The following TAFA2 variants were observed in gnomAD, a reference collection of about 807,000 sequenced individuals.
The protein encoded by TAFA2 is chemokine-like protein TAFA-2.
Under a neutral mutation model 18.8 loss-of-function variants are expected in TAFA2, and 7 were observed. That is an observed-to-expected ratio of 0.37 (90% CI 0.21 to 0.70). The LOEUF (loss-of-function observed/expected upper bound fraction) is 0.70, where lower values mean the gene tolerates loss of function less well. Among genes scored for constraint, TAFA2 ranks in the 30% least tolerant of loss-of-function variants. TAFA2 has a pLI of 0.53. For synonymous variants in TAFA2, 60 were observed against 54.2 expected, an observed-to-expected ratio of 1.11 and a Z score of -0.47; for missense variants, 122 against 158.1, an observed-to-expected ratio of 0.77 and a Z score of 1.23.
intron 2 of TAFA2, among the ~76,000 whole-genome samples, chr12:61,847,538 G>A (rs759139013): frequency 1.3e-5 from 2 of 152,286 alleles, no homozygotes; most frequent in East Asian, 1.9e-4. Context: ...TGAAAAATGC[G>A]TGAGAGAATT....
At chr12:62,072,886 A>G (rs1045086973) in intron 1 of TAFA2, among the ~76,000 whole-genome samples, 2 of 152,248 alleles carry the variant, frequency 1.3e-5, no homozygotes, top group African/African-American at 4.8e-5. Flanking sequence ...GATCAACTGA[A>G]AAAGTTTACT....
At chr12:61,962,489 T>C (rs1281804712) in intron 1 of TAFA2, among the ~76,000 whole-genome samples, 4 of 152,046 alleles carry the variant, frequency 2.6e-5, no homozygotes. Context: ...TTGTCATTAA[T>C]ACCTGCAGTC....
chr12:61,726,862 G>A (rs960723219), intron 4 of TAFA2, among the ~76,000 whole-genome samples: 1 of 152,038 alleles, frequency 6.6e-6, no homozygotes, highest in Non-Finnish European at 1.5e-5. Context: ...TTGGCTGTGG[G>A]TTTGTCATGA....
In TAFA2 at chr12:61,708,410, G is replaced by C. The variant is rs1869242456; in HGVS notation, c.*1996C>G. ...ATGTATTACACTTGTATATAATACAGAGTTTCCAGTGTTGATTTAAAGAAC... is the reference window on the plus strand; with the variant it reads ...ATGTATTACACTTGTATATAATACACAGTTTCCAGTGTTGATTTAAAGAAC... On this transcript the variant is annotated 3_prime_UTR_variant, in exon 5 of 5. Coordinates refer to ENST00000416284, the MANE Select transcript of TAFA2 (RefSeq NM_178539.5). 4.0e-5 allele frequency: 6 copies of C among 151,826 alleles called. No individual in the cohort carries two copies. The South Asian group carries it at 1.2e-3, about 32-fold the overall frequency. 9.4% of individuals were successfully genotyped at this position (151,826 alleles called of 1,614,324 possible).
intron 1 of TAFA2, among the ~76,000 whole-genome samples, chr12:62,184,121 G>A (rs1021654247): frequency 1.3e-4 from 20 of 152,108 alleles, no homozygotes; most frequent in Admixed American, 1.2e-3. Flanking sequence ...TTACAAAGCT[G>A]AAGAACCCAA....
chr12:62,119,423 T>A (rs1870100470), intron 1 of TAFA2, among the ~76,000 whole-genome samples: 1 of 152,124 alleles, frequency 6.6e-6, no homozygotes, highest in African/African-American at 2.4e-5. Flanking sequence ...TATTTAAAAA[T>A]CTGTTTTGAC....
At chr12:62,019,497 A>G (rs1204481363) in intron 1 of TAFA2, among the ~76,000 whole-genome samples, 2 of 151,628 alleles carry the variant, frequency 1.3e-5, no homozygotes, top group Admixed American at 6.6e-5. Flanking sequence ...GCCATAAAAA[A>G]TGATGAGTTT....
chr12:61,860,955 C>G (rs1173467260), intron 2 of TAFA2, among the ~76,000 whole-genome samples: 1 of 152,100 alleles, frequency 6.6e-6, no homozygotes, highest in African/African-American at 2.4e-5. Context: ...TTGCTCACTT[C>G]TGTTTTGTTT....
intron 1 of TAFA2, among the ~76,000 whole-genome samples, chr12:61,938,810 A>G (rs892209082): frequency 1.3e-5 from 2 of 152,186 alleles, no homozygotes; most frequent in Non-Finnish European, 2.9e-5. Context: ...TCAGGAAGGC[A>G]AAACCAAATA....
chr12:61,844,370 T>C (rs1285152687), intron 2 of TAFA2, among the ~76,000 whole-genome samples: 1 of 152,138 alleles, frequency 6.6e-6, no homozygotes, highest in Non-Finnish European at 1.5e-5. Context: ...TACTCAGAAC[T>C]GAATCATGTG....
intron 2 of TAFA2, chr12:61,776,166 A>G: frequency 3.0e-6 from 1 of 338,356 alleles, no homozygotes; most frequent in South Asian, 3.1e-5. Flanking sequence ...ATTTAAGGGC[A>G]TGATTCTTGC....
chr12:61,843,102 G>T lies in TAFA2; in HGVS notation c.106+24218C>A, dbSNP rs148560860. ...TTGGGTCTCAGAAAATGTTCAGTAG[G>T]CCTTTAGGCAGGAGAATTGAGACAA... On this transcript the variant is annotated intron_variant, in intron 2 of 4. Coordinates refer to ENST00000416284, the MANE Select transcript of TAFA2 (RefSeq NM_178539.5). Among the ~76,000 whole-genome samples the T allele has an allele frequency of 4.1e-4, 63 of 152,116 alleles. No individual in the cohort carries two copies. In the East Asian group the frequency reaches 0.012, roughly 29 times the overall value.
chr12:61,772,532 T>C (rs1870078139), intron 2 of TAFA2, among the ~76,000 whole-genome samples: 1 of 152,020 alleles, frequency 6.6e-6, no homozygotes, highest in African/African-American at 2.4e-5. Flanking sequence ...GTGGGTTTCA[T>C]ACCAGGGATG....
chr12:61,902,684 A>T (rs1179647380), intron 1 of TAFA2, among the ~76,000 whole-genome samples: 1 of 151,982 alleles, frequency 6.6e-6, no homozygotes, highest in Non-Finnish European at 1.5e-5. Context: ...CTTTAATACA[A>T]CCTCTTCACT....
chr12:61,984,419 A>G lies in TAFA2; in HGVS notation c.-1-116993T>C, dbSNP rs1369847566. Among the ~76,000 whole-genome samples, 3 of 152,242 alleles carry G rather than the reference A, an allele frequency of 2.0e-5. No individual in the cohort carries two copies. The East Asian group carries it at 5.8e-4, about 29-fold the overall frequency. ...ACCCTGCCATGCTGAACACTGTACA[A>G]AAGATGGGGCTTGATTATTTAGCAA... is the stretch of plus-strand genomic sequence containing the variant. On this transcript the variant is annotated intron_variant, in intron 1 of 4. Transcript: ENST00000416284.
intron 2 of TAFA2, among the ~76,000 whole-genome samples, chr12:61,806,337 C>T (rs991854947): frequency 7.9e-5 from 12 of 152,120 alleles, no homozygotes; most frequent in African/African-American, 2.9e-4. Context: ...AGTTTCCCTG[C>T]ACAAGCTCTC....
In TAFA2 at chr12:61,900,672, C is replaced by A. The variant is rs1042676641; in HGVS notation, c.-1-33246G>T. On this transcript the variant is annotated intron_variant, in intron 1 of 4. Transcript: ENST00000416284. Reference sequence around the variant, plus strand: ...GCATGGGAGAACCACTCCCATGATTCAATTACCTTCCATCAGATCCCTCCC... The same window carrying A: ...GCATGGGAGAACCACTCCCATGATTAAATTACCTTCCATCAGATCCCTCCC... 5.9e-5 allele frequency among the ~76,000 whole-genome samples: 9 copies of A among 152,114 alleles called. No homozygotes were observed. In the East Asian group the frequency reaches 1.2e-3, roughly 20 times the overall value.
intron 4 of TAFA2, among the ~76,000 whole-genome samples, chr12:61,718,473 T>A (rs989131665): frequency 3.9e-5 from 6 of 152,192 alleles, no homozygotes; most frequent in African/African-American, 1.4e-4. Context: ...ACACACTGTG[T>A]TTGTTTCAGG....
intron 1 of TAFA2, among the ~76,000 whole-genome samples, chr12:61,908,527 T>C (rs1876461827): frequency 1.3e-5 from 2 of 152,082 alleles, no homozygotes; most frequent in Non-Finnish European, 2.9e-5. Context: ...CTCTCAGGTA[T>C]GTCTTTATTA....
Sources: allele counts gnomAD v4.1 joint callset (sites outside exome capture counted in the v4.1 genomes callset), GRCh38; gene constraint gnomAD v4.1.1; transcripts MANE v1.5; gene names NCBI Gene and HGNC (gene_info 2026-07-23, HGNC 2026-07-21).